Variants in PDXP observed in about 807,000 individuals in gnomAD.
PDXP encodes pyridoxal phosphatase, also known as chronophin.
A neutral mutation model predicts 14.4 loss-of-function variants in PDXP; 15 were observed. The observed-to-expected ratio is 1.04, with a 90% CI of 0.70 to 1.60. The LOEUF (loss-of-function observed/expected upper bound fraction) is 1.60, where lower values mean the gene tolerates loss of function less well. Ranked by LOEUF, PDXP falls within the 40% of genes most tolerant of loss-of-function variation. The probability of loss-of-function intolerance (pLI) is 0.00; values close to 1 mark genes in which losing one functional copy is unlikely to be tolerated. For synonymous variants in PDXP, 233 were observed against 205.6 expected (o/e 1.13, Z -1.14); for missense variants, 413 against 427.6 (o/e 0.97, Z 0.30).
In PDXP at chr22:37,659,129, AGGGGCTGCGCGCCGAGCTGCGCGCCGC is replaced by A. The variant is rs1341126291; in HGVS notation, c.358_384del (p.Ala120_Arg128del). On this transcript the variant is annotated inframe_deletion, in exon 1 of 2. Transcript: ENST00000215904. ...GGCGCCGTGTTCGTGCTGGGCGGCG[AGGGGCTGCGCGCCGAGCTGCGCGCCGC>A]GGGGCTGCGCCTGGCCGGGGACCCG... 6.2e-5 allele frequency: 63 copies of A among 1,016,168 alleles called. No individual in the cohort carries two copies. Among genetic ancestry groups the A allele is most frequent in the South Asian group, 1.3e-4 (3 of 22,444 alleles). 62.9% of individuals were successfully genotyped at this position (1,016,168 alleles called of 1,614,324 possible).
intron 1 of PDXP, 71 bp from the exon 2 acceptor site, chr22:37,665,483 TG>T: frequency 7.8e-7 from 1 of 1,275,174 alleles, no homozygotes; most frequent in Non-Finnish European, 1.1e-6. Context: ...TCCACCTCCC[TG>T]GACTTCCAGT....
Position 37,658,791 on chromosome 22 carries a change from C to A in PDXP, c.9C>A (p.Arg3=). The A allele has an allele frequency of 8.5e-7, 1 of 1,174,204 alleles. No individual in the cohort carries two copies. The highest frequency in any genetic ancestry group is 1.1e-6 in the Non-Finnish European group (1 of 950,854). The allele number at this position is 1,174,204 out of a possible 1,614,324, so 72.7% of individuals were successfully genotyped here. A position where few individuals can be genotyped will look rare whatever the true frequency, so the allele number is the denominator to read the frequency against. The change falls in exon 1 of 2, where the codon CGC becomes CGA. Residue 3 remains arginine, a synonymous_variant. Coordinates refer to ENST00000215904, the MANE Select transcript of PDXP (RefSeq NM_020315.5). MA[R]CERLRGAALR... ...GGCGGCCGGCCGGCTGCATGGCGCGCTGCGAGAGGCTGCGCGGAGCGGCCC... is the reference window on the plus strand; with the variant it reads ...GGCGGCCGGCCGGCTGCATGGCGCGATGCGAGAGGCTGCGCGGAGCGGCCC...
intron 1 of PDXP, among the ~76,000 whole-genome samples, chr22:37,663,328 G>T (rs1008064443): frequency 6.7e-6 from 1 of 149,914 alleles, no homozygotes; most frequent in Admixed American, 6.6e-5. Context: ...AAATCATATA[G>T]TTGTAAGTTT....
chr22:37,663,173 G>A (rs1933237354), intron 1 of PDXP, among the ~76,000 whole-genome samples: 1 of 145,750 alleles, frequency 6.9e-6, no homozygotes, highest in Non-Finnish European at 1.5e-5. Context: ...GCATGGTGGC[G>A]GGCGCCTGTA....
intron 1 of PDXP, among the ~76,000 whole-genome samples, chr22:37,660,643 T>G (rs1933184327): frequency 6.6e-6 from 1 of 152,218 alleles, no homozygotes; most frequent in South Asian, 2.1e-4. Flanking sequence ...CCAGTCAGTA[T>G]ACTGGGGCCG....
rs780867401 is a variant in PDXP at position 37,666,132 on chromosome 22, G to T, written c.*261G>T. On this transcript the variant is annotated 3_prime_UTR_variant, in exon 2 of 2. Coordinates refer to ENST00000215904, the MANE Select transcript of PDXP (RefSeq NM_020315.5). ...AGCCAGGTGGCCTTATTTCTTCCCTGTCACCTCCCCTCCTTGAAATCTGGG... is the reference window on the plus strand; with the variant it reads ...AGCCAGGTGGCCTTATTTCTTCCCTTTCACCTCCCCTCCTTGAAATCTGGG... 2.7e-5 allele frequency: 15 copies of T among 546,686 alleles called. No homozygotes were observed. Among genetic ancestry groups the T allele is most frequent in the Non-Finnish European group, 4.0e-5 (12 of 298,194 alleles). 33.9% of individuals were successfully genotyped at this position (546,686 alleles called of 1,614,324 possible).
At position 37,666,135 on chromosome 22, in the gene PDXP, A is replaced by G; in HGVS notation, c.*264A>G. On this transcript the variant is annotated 3_prime_UTR_variant, in exon 2 of 2. Transcript: ENST00000215904. ...CAGGTGGCCTTATTTCTTCCCTGTC[A>G]CCTCCCCTCCTTGAAATCTGGGCCC... is the stretch of plus-strand genomic sequence containing the variant. 3 of 524,996 alleles carry G rather than the reference A, an allele frequency of 5.7e-6. No homozygotes were observed. The highest frequency in any genetic ancestry group is 5.3e-5 in the South Asian group (2 of 37,732). The allele number at this position is 524,996 out of a possible 1,614,324, so 32.5% of individuals were successfully genotyped here.
rs1318030366 is a variant in PDXP at position 37,665,682 on chromosome 22, T to A, written c.702T>A (p.Leu234=). The A allele has an allele frequency of 6.2e-7, 1 of 1,614,092 alleles. No individual in the cohort carries two copies. Among genetic ancestry groups the A allele is most frequent in the East Asian group, 2.2e-5 (1 of 44,884 alleles). The change falls in exon 2 of 2, where the codon CTT becomes CTA. Residue 234 remains leucine, a synonymous_variant. Coordinates refer to ENST00000215904, the MANE Select transcript of PDXP (RefSeq NM_020315.5). ...TCAGCATCGACCCCGCACGCACGCT[T>A]ATGGTGGGTGACCGCCTGGAGACCG... The part of the protein sequence containing the change: ...ENFSIDPART[L]MVGDRLETDI...
chr22:37,659,243 TCTC>T lies in PDXP; in HGVS notation c.464_466del (p.Ser155del), dbSNP rs747779022. The stretch of plus-strand genomic sequence containing the variant: ...GTGCTTGTGGGCTACGACGAGCACT[TCTC>T]CTTCGCCAAGCTGAGGGAGGCGTGC... On this transcript the variant is annotated inframe_deletion, in exon 1 of 2. Coordinates refer to ENST00000215904, the MANE Select transcript of PDXP (RefSeq NM_020315.5). 1.3e-5 allele frequency: 17 copies of T among 1,324,006 alleles called. No homozygotes were observed. The highest frequency in any genetic ancestry group is 1.0e-4 in the African/African-American group (7 of 66,700). 82.0% of individuals were successfully genotyped at this position (1,324,006 alleles called of 1,614,324 possible). A position where few individuals can be genotyped will look rare whatever the true frequency, so the allele number is the denominator to read the frequency against.
rs1315797278 is a variant in PDXP, at chr22:37,666,349, T to TTA, written c.*478_*479insTA. 1 of 193,706 alleles carries TTA rather than the reference T, an allele frequency of 5.2e-6. No homozygotes were observed. Among genetic ancestry groups the TTA allele is most frequent in the Admixed American group, 5.3e-5 (1 of 18,732 alleles). 12.0% of individuals were successfully genotyped at this position (193,706 alleles called of 1,614,324 possible). On this transcript the variant is annotated 3_prime_UTR_variant, in exon 2 of 2. Coordinates refer to ENST00000215904, the MANE Select transcript of PDXP (RefSeq NM_020315.5). ...AGGCTAAGTGATAGTGACTCATCAA[T>TTA]GTTGGGTCCTGTGGGGTACCAGTTT...
intron 1 of PDXP, chr22:37,664,816 C>T (rs759465631): frequency 2.0e-5 from 3 of 152,722 alleles, no homozygotes; most frequent in South Asian, 2.1e-4. Flanking sequence ...GTTGGACACT[C>T]GGGAGTGTTC....
intron 1 of PDXP, among the ~76,000 whole-genome samples, chr22:37,663,246 G>C (rs528363095): frequency 6.6e-6 from 1 of 150,764 alleles, no homozygotes; most frequent in Non-Finnish European, 1.5e-5. Context: ...GGAGCTTGCA[G>C]TGAGCCGAGA....
Position 37,665,703 on chromosome 22 carries a change from GACCGACATCCTCTTTGGCC to G in PDXP, c.728_746del (p.Asp243AlafsTer4), listed in dbSNP as rs1921053823. The G allele has an allele frequency of 3.7e-6, 6 of 1,614,150 alleles. No homozygotes were observed. Among genetic ancestry groups the G allele is most frequent in the Non-Finnish European group, 4.2e-6 (5 of 1,180,038 alleles). ...CGCTTATGGTGGGTGACCGCCTGGA[GACCGACATCCTCTTTGGCC>G]ACCGCTGCGGCATGACCACTGTGCT... is the stretch of plus-strand genomic sequence containing the variant. On this transcript the variant is annotated frameshift_variant, in exon 2 of 2. Coordinates refer to ENST00000215904, the MANE Select transcript of PDXP (RefSeq NM_020315.5). LOFTEE classifies it high-confidence loss of function.
At chr22:37,662,826 A>G (rs911164820) in intron 1 of PDXP, among the ~76,000 whole-genome samples, 10 of 151,764 alleles carry the variant, frequency 6.6e-5, no homozygotes, top group African/African-American at 2.4e-4. Context: ...TGTCTCCACT[A>G]AAAATACAAA....
Position 37,666,090 on chromosome 22 carries a change from T to C in PDXP, c.*219T>C. The C allele has an allele frequency of 1.6e-6, 1 of 609,744 alleles. No homozygotes were observed. Among genetic ancestry groups the C allele is most frequent in the Non-Finnish European group, 3.0e-6 (1 of 335,546 alleles). The allele number at this position is 609,744 out of a possible 1,614,324, so 37.8% of individuals were successfully genotyped here. A position where few individuals can be genotyped will look rare whatever the true frequency, so the allele number is the denominator to read the frequency against. On this transcript the variant is annotated 3_prime_UTR_variant, in exon 2 of 2. Transcript: ENST00000215904. ...CCCCAGAAGCTGGTCCCCTATGGATTCATCTTGGCCTGACCCAGCCAGGTG... is the reference window on the plus strand; with the variant it reads ...CCCCAGAAGCTGGTCCCCTATGGATCCATCTTGGCCTGACCCAGCCAGGTG...
Position 37,658,821 on chromosome 22 carries a change from C to G in PDXP, c.39C>G (p.Arg13=), listed in dbSNP as rs764851325. ...RCERLRGAAL[R]DVLGRAQGVL... Reference sequence around the variant, plus strand: ...AGAGGCTGCGCGGAGCGGCCCTGCGCGACGTGCTGGGCCGGGCGCAGGGGG... The same window carrying G: ...AGAGGCTGCGCGGAGCGGCCCTGCGGGACGTGCTGGGCCGGGCGCAGGGGG... Residue 13 remains arginine, a synonymous_variant, in exon 1 of 2, where the codon CGC becomes CGG. Transcript: ENST00000215904. 4 of 1,186,230 alleles carry G rather than the reference C, an allele frequency of 3.4e-6. No homozygotes were observed. Among genetic ancestry groups the G allele is most frequent in the Non-Finnish European group, 1.0e-6 (1 of 958,364 alleles). The allele number at this position is 1,186,230 out of a possible 1,614,324, so 73.5% of individuals were successfully genotyped here.
Position 37,665,707 on chromosome 22 carries a change from G to A in PDXP, c.727G>A (p.Asp243Asn), listed in dbSNP as rs1262616208. 4.3e-6 allele frequency: 7 copies of A among 1,614,150 alleles called. No homozygotes were observed. Among genetic ancestry groups the A allele is most frequent in the South Asian group, 2.2e-5 (2 of 91,082 alleles). Residue 243 changes from aspartate (D) to asparagine (N), a missense_variant, in exon 2 of 2, where the codon GAC (aspartate) becomes AAC (asparagine). Transcript: ENST00000215904. The part of the protein sequence containing the change: ...TLMVGDRLET[D>N]ILFGHRCGMT... ...TATGGTGGGTGACCGCCTGGAGACC[G>A]ACATCCTCTTTGGCCACCGCTGCGG...
chr22:37,665,525 C>A (rs1203400540), intron 1 of PDXP, 30 bp from the exon 2 acceptor site: 5 of 1,560,672 alleles, frequency 3.2e-6, no homozygotes, highest in Non-Finnish European at 4.3e-6. Context: ...CTGCCGCCCT[C>A]CTGCTGACTG....
chr22:37,665,857 G>T lies in PDXP; in HGVS notation c.877G>T (p.Gly293Trp). 1 of 1,613,164 alleles carries T rather than the reference G, an allele frequency of 6.2e-7. No individual in the cohort carries two copies. The change falls in exon 2 of 2, where the codon GGG becomes TGG. Residue 293 changes from glycine (G) to tryptophan (W), a missense_variant. Transcript: ENST00000215904. ...YVESIADLTE[G>W]LED ...GGAGAGCATCGCAGACTTGACAGAG[G>T]GGTTGGAGGACTGAGCCCACTGCAC...
Sources: allele counts gnomAD v4.1 joint callset (sites outside exome capture counted in the v4.1 genomes callset), GRCh38; gene constraint gnomAD v4.1.1; transcripts MANE v1.5; gene names NCBI Gene and HGNC (gene_info 2026-07-23, HGNC 2026-07-21).